The following USH2A variants were observed in gnomAD, a reference collection of about 807,000 sequenced individuals.
USH2A encodes usherin, also known as Usher syndrome 2A (autosomal recessive, mild).
USH2A carries 443 observed loss-of-function variants against 538.9 expected under a neutral mutation model. The observed-to-expected ratio is 0.82, with a 90% confidence interval of 0.76 to 0.89. The LOEUF is 0.89. USH2A is among the 40% of genes least tolerant of loss of function. The pLI, the probability that USH2A is intolerant of heterozygous loss-of-function variation, is 0.00. For synonymous variants in USH2A, 2,413 were observed against 2,273.5 expected, an observed-to-expected ratio of 1.06 and a Z score of -1.75; for missense variants, 6,633 against 6,324.8, an observed-to-expected ratio of 1.05 and a Z score of -1.65.
chr1:216,038,568 G>C (rs1323306188), intron 32 of USH2A, among the ~76,000 whole-genome samples: 1 of 151,992 alleles, frequency 6.6e-6, no homozygotes, highest in Non-Finnish European at 1.5e-5. Context: ...ACTCAGGAAA[G>C]CAATCACCTG....
At chr1:215,662,706 C>G (rs983333349) in intron 64 of USH2A, among the ~76,000 whole-genome samples, 2 of 152,152 alleles carry the variant, frequency 1.3e-5, no homozygotes, top group African/African-American at 4.8e-5. Context: ...AAATACACTG[C>G]CTGAGTCAGA....
chr1:216,310,910 T>C (rs932502114), intron 9 of USH2A, among the ~76,000 whole-genome samples: 1 of 152,328 alleles, frequency 6.6e-6, no homozygotes, highest in Middle Eastern at 3.4e-3. Flanking sequence ...CATACATCTA[T>C]GTCTTTGCTG....
chr1:215,911,223 T>A (rs537060152), intron 38 of USH2A, among the ~76,000 whole-genome samples: 125 of 152,116 alleles, frequency 8.2e-4, no homozygotes, highest in African/African-American at 2.9e-3. Context: ...TTACATTTTT[T>A]AAGTTATTTA....
chr1:216,140,490 C>T (rs938628369), intron 21 of USH2A, among the ~76,000 whole-genome samples: 8 of 152,132 alleles, frequency 5.3e-5, no homozygotes, highest in Admixed American at 3.9e-4. Flanking sequence ...AACTTTTACA[C>T]GTGGCTGGCC....
chr1:215,626,265 A>G (rs1656020025), intron 71 of USH2A, among the ~76,000 whole-genome samples: 1 of 149,830 alleles, frequency 6.7e-6, no homozygotes, highest in Admixed American at 6.7e-5. Flanking sequence ...TAGACACTAC[A>G]TATATATACT....
chr1:215,655,241 A>C (rs1017308737), intron 64 of USH2A, among the ~76,000 whole-genome samples: 21 of 152,154 alleles, frequency 1.4e-4, no homozygotes, highest in Admixed American at 1.4e-3. Flanking sequence ...TTCAATTTCT[A>C]TTTGTTATGT....
intron 35 of USH2A, among the ~76,000 whole-genome samples, chr1:215,986,310 C>CT (rs34962559): frequency 0.41 from 53,684 of 130,944 alleles, 12,779 homozygotes; most frequent in East Asian, 0.81. Flanking sequence ...TTTTCTTTTT[C>CT]TTTTTTTTTT....
At chr1:216,296,702 A>T (rs1357923954) in intron 9 of USH2A, among the ~76,000 whole-genome samples, 1 of 152,086 alleles carries the variant, frequency 6.6e-6, no homozygotes, top group Non-Finnish European at 1.5e-5. Context: ...CCACTTACAA[A>T]TATAAAATGA....
chr1:216,072,532 C>T, intron 29 of USH2A: 3 of 336,272 alleles, frequency 8.9e-6, no homozygotes. Flanking sequence ...AAGGATAATC[C>T]TAATCCCTGA....
At chr1:216,215,813 A>G (rs1333404777) in intron 15 of USH2A, among the ~76,000 whole-genome samples, 1 of 152,154 alleles carries the variant, frequency 6.6e-6, no homozygotes, top group Non-Finnish European at 1.5e-5. Context: ...AAATTCTAAC[A>G]AATCAGAAAC....
At chr1:216,237,358 C>G (rs755948130) in intron 13 of USH2A, among the ~76,000 whole-genome samples, 1 of 152,014 alleles carries the variant, frequency 6.6e-6, no homozygotes, top group African/African-American at 2.4e-5. Context: ...ATCTAACTCA[C>G]CCTCAAATAT....
At chr1:216,064,505 T>A (rs533716740) in intron 30 of USH2A, among the ~76,000 whole-genome samples, 1 of 152,118 alleles carries the variant, frequency 6.6e-6, no homozygotes, top group Middle Eastern at 3.4e-3. Context: ...GGATTGTTTT[T>A]TTTTTTTTAA....
chr1:215,946,799 A>T, intron 37 of USH2A, among the ~76,000 whole-genome samples: 1 of 152,202 alleles, frequency 6.6e-6, no homozygotes, highest in East Asian at 1.9e-4. Context: ...AGTTACTGGA[A>T]AACTTTTAAA....
At position 215,800,919 on chromosome 1, in the gene USH2A, A is replaced by G. The variant is rs778150613; in HGVS notation, c.9740-1794T>C. Among the ~76,000 whole-genome samples, 3 of 152,196 alleles carry G rather than the reference A, an allele frequency of 2.0e-5. No individual in the cohort carries two copies. In the East Asian group the frequency reaches 5.8e-4, roughly 29 times the overall value. On this transcript the variant is annotated intron_variant, in intron 49 of 71. Transcript: ENST00000307340. ...AAACTGAATTCAAAAGCACATCAAA[A>G]TGATTCTGCAACATGACCAAGCGGG...
intron 11 of USH2A, among the ~76,000 whole-genome samples, chr1:216,255,138 G>A (rs751405877): frequency 1.3e-5 from 2 of 152,160 alleles, no homozygotes; most frequent in South Asian, 2.1e-4. Flanking sequence ...GGCTTAAAAT[G>A]CAATCTTGGT....
rs2030617352 is a variant in USH2A, at chr1:216,048,516, C to A, written c.6163+18G>T. The A allele has an allele frequency of 2.5e-6, 4 of 1,606,032 alleles. No homozygotes were observed. The highest frequency in any genetic ancestry group is 3.4e-6 in the Non-Finnish European group (4 of 1,172,684). On this transcript the variant is annotated intron_variant, in intron 31 of 71. Transcript: ENST00000307340. ...CATGACTGAAATGTGGAAGTCAAGA[C>A]CTTTGAAATTACTTTACCTTCTTGT... is the stretch of plus-strand genomic sequence containing the variant.
intron 12 of USH2A, among the ~76,000 whole-genome samples, chr1:216,247,945 T>C (rs1226563684): frequency 1.3e-5 from 2 of 152,156 alleles, no homozygotes; most frequent in African/African-American, 4.8e-5. Context: ...AAATGTCAGC[T>C]GATAACTATT....
Position 215,970,791 on chromosome 1 carries a change from A to C in USH2A, c.6806-15T>G. On this transcript the variant is annotated splice_polypyrimidine_tract_variant and intron_variant, in intron 35 of 71. Transcript: ENST00000307340. ...CGTGATAACACCTGGGAAGATAATAATTGCCTTTCAGTATGACTACTAGAC... is the reference window on the plus strand; with the variant it reads ...CGTGATAACACCTGGGAAGATAATACTTGCCTTTCAGTATGACTACTAGAC... 1 of 1,612,812 alleles carries C rather than the reference A, an allele frequency of 6.2e-7. No homozygotes were observed.
Position 216,200,080 on chromosome 1 carries a change from T to C in USH2A, c.3358A>G (p.Lys1120Glu), listed in dbSNP as rs896040219. The C allele has an allele frequency of 6.2e-7, 1 of 1,613,634 alleles. No homozygotes were observed. The highest frequency in any genetic ancestry group is 8.5e-7 in the Non-Finnish European group (1 of 1,179,898). Reference protein sequence around the residue: ...FLDTDLLPYTKYSYYIETTNV... With the variant: ...FLDTDLLPYTEYSYYIETTNV... ...GTGGTCTCAATGTAATAGGAATATT[T>C]GGTATATGGTAACAGGTCTGTGTCT... The change falls in exon 17 of 72, where the codon AAA becomes GAA. Residue 1120 changes from lysine to glutamate, a missense_variant. Lys to Glu is a moderately conservative substitution (Grantham distance 56). Transcript: ENST00000307340.
Sources: allele counts gnomAD v4.1 joint callset (sites outside exome capture counted in the v4.1 genomes callset), GRCh38; gene constraint gnomAD v4.1.1; transcripts MANE v1.5; gene names NCBI Gene and HGNC (gene_info 2026-07-23, HGNC 2026-07-21).